Variants in PIP5K1A observed in about 807,000 individuals in gnomAD.
PIP5K1A encodes the protein phosphatidylinositol-4-phosphate 5-kinase type 1 alpha.
PIP5K1A carries 46 observed loss-of-function variants against 72.9 expected under a neutral mutation model. The observed-to-expected ratio is 0.63, with a 90% CI of 0.50 to 0.81. The LOEUF (loss-of-function observed/expected upper bound fraction) is 0.81. Ranked by LOEUF, PIP5K1A falls within the 30% of genes least tolerant of loss-of-function variation. PIP5K1A has a pLI of 0.00. For missense variants in PIP5K1A, 458 were observed against 706.1 expected, an observed-to-expected ratio of 0.65 and a Z score of 3.98; for synonymous variants, 228 against 255.1, an observed-to-expected ratio of 0.89 and a Z score of 1.01.
intron 1 of PIP5K1A, chr1:151,216,145 G>A (rs1029075871): frequency 7.0e-6 from 3 of 429,220 alleles, no homozygotes; most frequent in African/African-American, 4.1e-5. Flanking sequence ...TCAGGAGATC[G>A]AGACCATCCT....
Position 151,205,083 on chromosome 1 carries a change from A to G in PIP5K1A, c.85+6002A>G, listed in dbSNP as rs587776176. On this transcript the variant is annotated intron_variant, in intron 1 of 15. Coordinates refer to ENST00000368888, the MANE Select transcript of PIP5K1A (RefSeq NM_001135638.2). ...GGAAACTATAGCCTGTGAAGTGAAC[A>G]ACAGAGATAATACCAGGCCAGCTAG... Among the ~76,000 whole-genome samples the G allele has an allele frequency of 1.1e-4, 17 of 152,326 alleles. 2 individuals are homozygous for G. The South Asian group carries it at 3.5e-3, about 32-fold the overall frequency.
At chr1:151,245,851 T>C (rs1048110636) in intron 14 of PIP5K1A, among the ~76,000 whole-genome samples, 19 of 152,170 alleles carry the variant, frequency 1.2e-4, no homozygotes, top group African/African-American at 4.1e-4. Flanking sequence ...CCCCAAATTT[T>C]AGATTTTTGT....
chr1:151,213,348 C>G (rs1687127239), intron 1 of PIP5K1A, among the ~76,000 whole-genome samples: 1 of 152,126 alleles, frequency 6.6e-6, no homozygotes, highest in African/African-American at 2.4e-5. Flanking sequence ...ACTGGTTCTG[C>G]TGTTCTGGAA....
intron 11 of PIP5K1A, among the ~76,000 whole-genome samples, chr1:151,239,516 G>A (rs755035981): frequency 1.9e-4 from 29 of 150,948 alleles, no homozygotes; most frequent in Non-Finnish European, 3.7e-4. Context: ...AAAGTGATCC[G>A]CCTACCTTGG....
At chr1:151,198,499 C>T (rs1273552859), upstream of PIP5K1A, 5 of 197,138 alleles carry the variant, frequency 2.5e-5, no homozygotes, top group Non-Finnish European at 5.4e-5. Context: ...CCTTTTTTCT[C>T]CCCAATGAGT....
At position 151,227,366 on chromosome 1, in the gene PIP5K1A, G is replaced by A. The variant is rs373842118; in HGVS notation, c.203G>A (p.Ser68Asn). ...GMPIKKIGHR[S>N]VDSSGETTYK... Reference sequence around the variant, plus strand: ...CCCATCAAGAAAATAGGCCATAGAAGTGTTGATTCCTCAGGAGAGACAACA... The same window carrying A: ...CCCATCAAGAAAATAGGCCATAGAAATGTTGATTCCTCAGGAGAGACAACA... The change falls in exon 4 of 16, where the codon AGT becomes AAT. Residue 68 changes from serine (S) to asparagine (N), a missense_variant. By Grantham distance (46) the Ser-to-Asn change is conservative. Around this residue, in one of 3 missense-constraint regions of PIP5K1A, gnomAD observed 81 missense variants for 88.0 expected, o/e 0.92. Coordinates refer to ENST00000368888, the MANE Select transcript of PIP5K1A (RefSeq NM_001135638.2). 1.9e-5 allele frequency: 31 copies of A among 1,613,028 alleles called. No individual in the cohort carries two copies. The highest frequency in any genetic ancestry group is 2.6e-5 in the Non-Finnish European group (31 of 1,179,190).
intron 9 of PIP5K1A, among the ~76,000 whole-genome samples, chr1:151,237,650 G>A (rs4971018): frequency 0.84 from 128,216 of 151,910 alleles, 54,407 homozygotes; most frequent in Non-Finnish European, 0.87. Context: ...AAAAAGAATG[G>A]GACCCTGTGT....
At chr1:151,201,968 A>G (rs771518019) in intron 1 of PIP5K1A, among the ~76,000 whole-genome samples, 5 of 152,214 alleles carry the variant, frequency 3.3e-5, no homozygotes, top group African/African-American at 4.8e-5. Flanking sequence ...TTGCTCCAAT[A>G]GCAAAAGTAG....
chr1:151,225,308 A>C (rs1688946671), intron 3 of PIP5K1A, among the ~76,000 whole-genome samples: 1 of 151,394 alleles, frequency 6.6e-6, no homozygotes, highest in South Asian at 2.1e-4. Context: ...ACCCTGTCTC[A>C]AAAAAAAACT....
intron 1 of PIP5K1A, among the ~76,000 whole-genome samples, chr1:151,213,345 C>T (rs1229039045): frequency 6.6e-6 from 1 of 152,118 alleles, no homozygotes; most frequent in African/African-American, 2.4e-5. Flanking sequence ...TTGACTGGTT[C>T]TGCTGTTCTG....
At chr1:151,213,944 C>T (rs1687217795) in intron 1 of PIP5K1A, among the ~76,000 whole-genome samples, 1 of 152,090 alleles carries the variant, frequency 6.6e-6, no homozygotes, top group African/African-American at 2.4e-5. Context: ...CTCCCACTAT[C>T]AGGAAATGGT....
At chr1:151,220,702 C>G (rs4587566) in intron 1 of PIP5K1A, among the ~76,000 whole-genome samples, 3,720 of 152,000 alleles carry the variant, frequency 0.024, 100 homozygotes, top group Admixed American at 0.084. Flanking sequence ...CCTGACCTCA[C>G]GTGATCCACC....
At chr1:151,218,128 A>C (rs943130181) in intron 1 of PIP5K1A, among the ~76,000 whole-genome samples, 3 of 152,204 alleles carry the variant, frequency 2.0e-5, no homozygotes, top group Admixed American at 6.5e-5. Flanking sequence ...GGTATTTTCT[A>C]TGCTAGTGAG....
At chr1:151,209,845 T>TA (rs1214050336) in intron 1 of PIP5K1A, among the ~76,000 whole-genome samples, 1 of 151,944 alleles carries the variant, frequency 6.6e-6, no homozygotes, top group Non-Finnish European at 1.5e-5. Flanking sequence ...ATGCTGGAGT[T>TA]ACAGGCGTGA....
chr1:151,235,849 G>A (rs1171610548), intron 8 of PIP5K1A, among the ~76,000 whole-genome samples: 8 of 152,184 alleles, frequency 5.3e-5, no homozygotes, highest in African/African-American at 1.7e-4. Flanking sequence ...CAGGCCGGGC[G>A]TGGTGGCTCA....
chr1:151,229,455 G>A (rs587693044), intron 4 of PIP5K1A, among the ~76,000 whole-genome samples: 2 of 150,808 alleles, frequency 1.3e-5, no homozygotes, highest in Non-Finnish European at 2.9e-5. Context: ...TCTGCCTTGC[G>A]GGTTCAAGCG....
upstream of PIP5K1A, among the ~76,000 whole-genome samples, chr1:151,197,455 A>G (rs1008630279): frequency 3.3e-5 from 5 of 150,948 alleles, no homozygotes; most frequent in African/African-American, 4.9e-5. Context: ...AATTTTTTGT[A>G]TTTTTAGTAG....
chr1:151,222,145 C>T (rs1295379163), intron 1 of PIP5K1A, among the ~76,000 whole-genome samples: 1 of 152,126 alleles, frequency 6.6e-6, no homozygotes, highest in Non-Finnish European at 1.5e-5. Context: ...CGATATTTTT[C>T]TCTTCTGTTC....
At chr1:151,241,259 T>A (rs1384557829) in intron 12 of PIP5K1A, among the ~76,000 whole-genome samples, 3 of 152,084 alleles carry the variant, frequency 2.0e-5, no homozygotes. Flanking sequence ...CCCAGCATTT[T>A]AGGAGGCCGA....
Sources: allele counts gnomAD v4.1 joint callset (sites outside exome capture counted in the v4.1 genomes callset), GRCh38; gene constraint gnomAD v4.1.1; regional missense constraint gnomAD v4.1.1; transcripts MANE v1.5; gene names NCBI Gene and HGNC (gene_info 2026-07-23, HGNC 2026-07-21).